The following AHDC1 variants were observed in gnomAD, a reference collection of about 807,000 sequenced individuals.
The protein encoded by AHDC1 is AT-hook DNA binding motif containing 1.
A neutral mutation model predicts 87.9 loss-of-function variants in AHDC1; 7 were observed. The observed-to-expected ratio is 0.08, with a 90% CI of 0.05 to 0.15. The LOEUF (loss-of-function observed/expected upper bound fraction) is 0.15. AHDC1 is among the 10% of genes least tolerant of loss of function. The probability of loss-of-function intolerance (pLI) is 1.00; values close to 1 mark genes in which losing one functional copy is unlikely to be tolerated. For synonymous variants in AHDC1, 1,051 were observed against 1,006.8 expected (o/e 1.04, Z -0.83); for missense variants, 1,841 against 2,253.2 (o/e 0.82, Z 3.70).
At position 27,595,122 on chromosome 1, in the gene AHDC1, G is replaced by C. The variant is rs1435818645; in HGVS notation, c.-629+8275C>G. 2.6e-5 allele frequency among the ~76,000 whole-genome samples: 4 copies of C among 152,094 alleles called. No homozygotes were observed. In the East Asian group the frequency reaches 7.7e-4, roughly 29 times the overall value. On this transcript the variant is annotated intron_variant, in intron 3 of 8. Transcript: ENST00000673934. This position sits in a 1 kb window ranked among gnomAD's most constrained non-coding sequence, Gnocchi z 4.0. ...GATCTGTTAGAGATATACTAGAACC[G>C]AAGCCATGTCTGTGTGTTTGAGGCA...
At position 27,562,858 on chromosome 1, in the gene AHDC1, C is replaced by T. The variant is rs756528793; in HGVS notation, c.-628-3975G>A. Among the ~76,000 whole-genome samples the T allele has an allele frequency of 1.3e-5, 2 of 152,176 alleles. No homozygotes were observed. The highest frequency in any genetic ancestry group is 4.1e-4 in the South Asian group (2 of 4,832). ...TCACACATGCCACTCCCCACAACAG[C>T]CTGCGACGGGCACATGGTGACATCT... On this transcript the variant is annotated intron_variant, in intron 3 of 8. Coordinates refer to ENST00000673934, the MANE Select transcript of AHDC1 (RefSeq NM_001371928.1). The surrounding 1 kb of genome is among the most constrained non-coding windows in gnomAD (Gnocchi z 4.4).
intron 8 of AHDC1, among the ~76,000 whole-genome samples, chr1:27,543,138 C>T (rs184403203): frequency 1.3e-3 from 196 of 152,364 alleles, no homozygotes; most frequent in Non-Finnish European, 1.8e-3. Flanking sequence ...GCCCTAGCCG[C>T]GTAACCTTGG....
Position 27,534,823 on chromosome 1 carries a change from G to A in AHDC1, c.*137C>T, listed in dbSNP as rs1219547432. 6.8e-6 allele frequency: 1 copy of A among 146,438 alleles called. No individual in the cohort carries two copies. The highest frequency in any genetic ancestry group is 2.5e-5 in the African/African-American group (1 of 39,452). 9.1% of individuals were successfully genotyped at this position (146,438 alleles called of 1,614,324 possible). A position where few individuals can be genotyped will look rare whatever the true frequency, so the allele number is the denominator to read the frequency against. On this transcript the variant is annotated 3_prime_UTR_variant, in exon 9 of 9. Coordinates refer to ENST00000673934, the MANE Select transcript of AHDC1 (RefSeq NM_001371928.1). ...GTGGAGGGAGATGGGTCTGCAGGGG[G>A]TGTAGGGGGCAGGGTGGGAGGCAGA...
rs767468459 is a variant in AHDC1 at position 27,560,434 on chromosome 1, G to T, written c.-628-1551C>A. ...TGTGTTTGGCAGGGGGTGGGGGCGT[G>T]AGGCTGATCCTCTGCTGTCCCTGCA... On this transcript the variant is annotated intron_variant, in intron 3 of 8. Transcript: ENST00000673934. This position sits in a 1 kb window ranked among gnomAD's most constrained non-coding sequence, Gnocchi z 4.1. Among the ~76,000 whole-genome samples, 1 of 152,132 alleles carries T rather than the reference G, an allele frequency of 6.6e-6. No homozygotes were observed. Among genetic ancestry groups the T allele is most frequent in the African/African-American group, 2.4e-5 (1 of 41,412 alleles).
chr1:27,553,352 A>T (rs576574341), intron 5 of AHDC1, 167 bp from the exon 6 acceptor site: 1 of 152,260 alleles, frequency 6.6e-6, no homozygotes, highest in Non-Finnish European at 1.5e-5. Flanking sequence ...GCTCAGAGAT[A>T]AAAGTAACAT....
chr1:27,596,372 G>A (rs574343561), intron 3 of AHDC1, among the ~76,000 whole-genome samples: 6 of 152,104 alleles, frequency 3.9e-5, no homozygotes, highest in African/African-American at 1.5e-4. Context: ...GGGGGTGGGG[G>A]AACTGCACAG....
intron 3 of AHDC1, among the ~76,000 whole-genome samples, chr1:27,579,449 T>A (rs2088848160): frequency 6.6e-6 from 1 of 152,202 alleles, no homozygotes; most frequent in Non-Finnish European, 1.5e-5. Context: ...CTTAGTCTGC[T>A]TTATACACAC....
At chr1:27,582,906 G>A (rs2088946707) in intron 3 of AHDC1, among the ~76,000 whole-genome samples, 1 of 152,104 alleles carries the variant, frequency 6.6e-6, no homozygotes, top group African/African-American at 2.4e-5. Flanking sequence ...CCAGATGGGG[G>A]TTTATTTCTA....
chr1:27,551,138 C>G lies in AHDC1; in HGVS notation c.978G>C (p.Ser326=). The change falls in exon 8 of 9, where the codon TCG becomes TCC. Residue 326 remains serine, a synonymous_variant. Transcript: ENST00000673934. ...CGAGTGCCTGGGGGTCAAGCAGCTG[C>G]GACTCCAAGGAGTCAGGCAGGGTGT... is the stretch of plus-strand genomic sequence containing the variant. The part of the protein sequence containing the change: ...ALDTLPDSLE[S]QLLDPQALDP... The G allele has an allele frequency of 6.3e-7, 1 of 1,597,570 alleles. No individual in the cohort carries two copies. Among genetic ancestry groups the G allele is most frequent in the South Asian group, 1.1e-5 (1 of 89,842 alleles).
At chr1:27,601,653 T>C (rs2089530511) in intron 3 of AHDC1, among the ~76,000 whole-genome samples, 1 of 152,218 alleles carries the variant, frequency 6.6e-6, no homozygotes, top group Admixed American at 6.5e-5. Context: ...AGGAGGGAGA[T>C]GGCAAGCAGC....
intron 3 of AHDC1, among the ~76,000 whole-genome samples, chr1:27,599,792 G>GCTCT (rs2089481441): frequency 6.6e-6 from 1 of 152,100 alleles, no homozygotes; most frequent in Admixed American, 6.5e-5. Flanking sequence ...CTCTGTTCCA[G>GCTCT]GCATTTGGGG....
chr1:27,549,925 C>T lies in AHDC1; in HGVS notation c.2191G>A (p.Val731Ile). ...TTTGGCTTCCCAGTCACAGCGTCTA[C>T]CTCCCCCCGGCCCCGTTTGCGTGGG... ...GHPRKRGRGE[V>I]DAVTGKPKRK... The change falls in exon 8 of 9, where the codon GTA (valine) becomes ATA (isoleucine). Residue 731 changes from valine to isoleucine, a missense_variant. This residue lies in a region of AHDC1 where 236 missense variants were observed against 257.9 expected (regional missense o/e 0.92). Coordinates refer to ENST00000673934, the MANE Select transcript of AHDC1 (RefSeq NM_001371928.1). 13 of 1,613,522 alleles carry T rather than the reference C, an allele frequency of 8.1e-6. No individual in the cohort carries two copies. The highest frequency in any genetic ancestry group is 1.3e-5 in the African/African-American group (1 of 75,028).
intron 3 of AHDC1, among the ~76,000 whole-genome samples, chr1:27,596,212 CTG>C (rs1208129218): frequency 6.6e-6 from 1 of 152,048 alleles, no homozygotes; most frequent in East Asian, 1.9e-4. Context: ...CTGTCTCAGC[CTG>C]TGCCCAGGCC....
rs768630952 is a variant in AHDC1 at position 27,551,044 on chromosome 1, G to A, written c.1072C>T (p.Pro358Ser). 105 of 1,558,644 alleles carry A rather than the reference G, an allele frequency of 6.7e-5. No homozygotes were observed. Among genetic ancestry groups the A allele is most frequent in the Middle Eastern group, 3.4e-4 (2 of 5,878 alleles). Reference protein sequence around the residue: ...LEPQQPLGHCPLAEPLRLDLC... With the variant: ...LEPQQPLGHCSLAEPLRLDLC... ...TCCAGGCGCAAGGGCTCGGCCAGTG[G>A]GCAGTGCCCCAGGGGCTGCTGGGGC... is the stretch of plus-strand genomic sequence containing the variant. The change falls in exon 8 of 9, where the codon CCA (proline) becomes TCA (serine). Residue 358 changes from proline to serine, a missense_variant. Coordinates refer to ENST00000673934, the MANE Select transcript of AHDC1 (RefSeq NM_001371928.1).
chr1:27,551,455 C>T lies in AHDC1; in HGVS notation c.661G>A (p.Ala221Thr). 1 of 1,611,716 alleles carries T rather than the reference C, an allele frequency of 6.2e-7. No homozygotes were observed. Among genetic ancestry groups the T allele is most frequent in the East Asian group, 2.2e-5 (1 of 44,862 alleles). Reference sequence around the variant, plus strand: ...GGCTCTGGGGGCAGACCCGTGGCCGCAGCCGTGGCTCCGGGACTATGGCCT... The same window carrying T: ...GGCTCTGGGGGCAGACCCGTGGCCGTAGCCGTGGCTCCGGGACTATGGCCT... ...GQGHSPGATA[A>T]ATGLPPEPEP... The change falls in exon 8 of 9, where the codon GCG becomes ACG. Residue 221 changes from alanine to threonine, a missense_variant. By Grantham distance (58) the Ala-to-Thr change is moderately conservative. Transcript: ENST00000673934.
In AHDC1 at chr1:27,550,703, C is replaced by A. The variant is rs1485757357; in HGVS notation, c.1413G>T (p.Val471=). The A allele has an allele frequency of 1.9e-6, 3 of 1,608,488 alleles. No individual in the cohort carries two copies. The South Asian group carries it at 3.3e-5, about 18-fold the overall frequency. ...VSTRKGKCRG[V]RRMVVKMAKI... ...TGGCCATCTTCACCACCATGCGCCG[C>A]ACGCCCCGGCACTTGCCTTTGCGGG... Residue 471 remains valine (V), a synonymous_variant, in exon 8 of 9, where the codon GTG becomes GTT. Coordinates refer to ENST00000673934, the MANE Select transcript of AHDC1 (RefSeq NM_001371928.1).
intron 3 of AHDC1, among the ~76,000 whole-genome samples, chr1:27,584,015 C>T (rs1376070548): frequency 6.6e-6 from 1 of 152,222 alleles, no homozygotes; most frequent in Non-Finnish European, 1.5e-5. Context: ...GGAAACATGT[C>T]TGGCACCCAG....
chr1:27,592,244 C>T (rs897544675), intron 3 of AHDC1, among the ~76,000 whole-genome samples: 1 of 152,210 alleles, frequency 6.6e-6, no homozygotes, highest in African/African-American at 2.4e-5. Context: ...GAGACAGCAT[C>T]CTCGCCAACC....
intron 3 of AHDC1, among the ~76,000 whole-genome samples, chr1:27,567,205 C>T (rs1280475707): frequency 6.6e-6 from 1 of 152,144 alleles, no homozygotes; most frequent in Non-Finnish European, 1.5e-5. Context: ...GCCACTGCTG[C>T]TTGCAGGGAA....
Sources: allele counts gnomAD v4.1 joint callset (sites outside exome capture counted in the v4.1 genomes callset), GRCh38; gene constraint gnomAD v4.1.1; regional missense constraint gnomAD v4.1.1; non-coding constraint Gnocchi (gnomAD v3.1); transcripts MANE v1.5; gene names NCBI Gene and HGNC (gene_info 2026-07-23, HGNC 2026-07-21).